The following ZNF594 variants were observed in gnomAD, a reference collection of about 807,000 sequenced individuals.
ZNF594 encodes zinc finger protein HZF18.
For missense variants in ZNF594, 1,037 were observed against 964.6 expected (o/e 1.08, Z -0.99); for synonymous variants, 336 against 309.4 (o/e 1.09, Z -0.90).
downstream of ZNF594, among the ~76,000 whole-genome samples, chr17:5,178,623 CACTA>C (rs1437253618): frequency 1.3e-5 from 2 of 152,110 alleles, no homozygotes; most frequent in Admixed American, 1.3e-4. Flanking sequence ...ATGTGGCTGA[CACTA>C]ACTACATAAG....
Position 5,180,122 on chromosome 17 carries a change from A to AT in ZNF594, c.*1710dup, listed in dbSNP as rs2074329029. On this transcript the variant is annotated 3_prime_UTR_variant, in exon 2 of 2. Coordinates refer to ENST00000575779, the MANE Select transcript of ZNF594 (RefSeq NM_032530.2). ...GTTGCCCAGGCTGGAGTGCAGTGGC[A>AT]TGATCTTGGCTCACCGCAACCTCCA... 1 of 150,316 alleles carries AT rather than the reference A, an allele frequency of 6.7e-6. No individual in the cohort carries two copies. Among genetic ancestry groups the AT allele is most frequent in the Non-Finnish European group, 1.5e-5 (1 of 67,874 alleles). The allele number at this position is 150,316 out of a possible 1,614,324, so 9.3% of individuals were successfully genotyped here.
At chr17:5,187,266 C>T (rs752399751) in intron 1 of ZNF594, among the ~76,000 whole-genome samples, 13 of 152,268 alleles carry the variant, frequency 8.5e-5, no homozygotes, top group African/African-American at 1.9e-4. Context: ...GATGCAAAAG[C>T]GGAAACCAAT....
intron 1 of ZNF594, among the ~76,000 whole-genome samples, chr17:5,186,035 A>G (rs1172734892): frequency 6.6e-6 from 1 of 152,064 alleles, no homozygotes; most frequent in African/African-American, 2.4e-5. Context: ...AGGTGGATCT[A>G]CCATTCTGGG....
rs1406183988 is a variant in ZNF594, at chr17:5,181,465, C to G, written c.*368G>C. 4 of 1,613,886 alleles carry G rather than the reference C, an allele frequency of 2.5e-6. No individual in the cohort carries two copies. The Admixed American group carries it at 6.7e-5, about 27-fold the overall frequency. ...TCCTCATCCTTGCTGAAGGTTTTCT[C>G]ACGTTCTTCAAGTTTCTCTCCAGCA... On this transcript the variant is annotated 3_prime_UTR_variant, in exon 2 of 2. Transcript: ENST00000575779.
chr17:5,183,761 GATTA>G lies in ZNF594; in HGVS notation c.492_495del (p.Asn165LysfsTer34). 1 of 1,613,120 alleles carries G rather than the reference GATTA, an allele frequency of 6.2e-7. No individual in the cohort carries two copies. The highest frequency in any genetic ancestry group is 1.3e-5 in the African/African-American group (1 of 74,998). On this transcript the variant is annotated frameshift_variant, in exon 2 of 2. Transcript: ENST00000575779. LOFTEE classifies it low-confidence loss of function (END_TRUNC). The stretch of plus-strand genomic sequence containing the variant: ...TGATGTATAATAAGATTTGAACTTT[GATTA>G]GAGTCTTTCCCACATTCATTACACA...
At chr17:5,184,695 A>G (rs986664996) in intron 1 of ZNF594, among the ~76,000 whole-genome samples, 3 of 152,234 alleles carry the variant, frequency 2.0e-5, no homozygotes, top group Non-Finnish European at 2.9e-5. Flanking sequence ...TAGCAGCCAC[A>G]TAAGTAAATA....
At position 5,183,254 on chromosome 17, in the gene ZNF594, G is replaced by A. The variant is rs201111582; in HGVS notation, c.1003C>T (p.Arg335Cys). The change falls in exon 2 of 2, where the codon CGC (arginine) becomes TGC (cysteine). Residue 335 changes from arginine (R) to cysteine (C), a missense_variant. Arg to Cys is a radical substitution (Grantham distance 180). Transcript: ENST00000575779. ...CHRCGKTFSG[R>C]TAFLKHQRLH... ...CTCTGATGTTTAAGAAAAGCTGTGC[G>A]CCCACTGAAGGTCTTCCCACATCTG... 5.5e-5 allele frequency: 89 copies of A among 1,613,886 alleles called. No homozygotes were observed. The highest frequency in any genetic ancestry group is 5.2e-4 in the South Asian group (47 of 91,068).
At position 5,183,254 on chromosome 17, in the gene ZNF594, G is replaced by T. The variant is rs201111582; in HGVS notation, c.1003C>A (p.Arg335Ser). ...CHRCGKTFSGRTAFLKHQRLH... is the reference protein window; with the variant it reads ...CHRCGKTFSGSTAFLKHQRLH... ...CTCTGATGTTTAAGAAAAGCTGTGC[G>T]CCCACTGAAGGTCTTCCCACATCTG... is the stretch of plus-strand genomic sequence containing the variant. The change falls in exon 2 of 2, where the codon CGC becomes AGC. Residue 335 changes from arginine (R) to serine (S), a missense_variant. Coordinates refer to ENST00000575779, the MANE Select transcript of ZNF594 (RefSeq NM_032530.2). 1 of 1,614,006 alleles carries T rather than the reference G, an allele frequency of 6.2e-7. No homozygotes were observed.
At chr17:5,185,179 C>T (rs2074378127) in intron 1 of ZNF594, among the ~76,000 whole-genome samples, 2 of 152,132 alleles carry the variant, frequency 1.3e-5, no homozygotes, top group African/African-American at 2.4e-5. Context: ...TGGATTAGTC[C>T]GTTTTCATGC....
At chr17:5,187,925 G>A (rs1448184081) in intron 1 of ZNF594, among the ~76,000 whole-genome samples, 2 of 122,026 alleles carry the variant, frequency 1.6e-5, no homozygotes, top group Non-Finnish European at 3.3e-5. Context: ...GTCTCACCAT[G>A]TTGCCCAGGC....
At position 5,181,451 on chromosome 17, in the gene ZNF594, G is replaced by A. The variant is rs776943484; in HGVS notation, c.*382C>T. The A allele has an allele frequency of 9.3e-6, 15 of 1,613,682 alleles. No individual in the cohort carries two copies. The East Asian group carries it at 3.1e-4, about 34-fold the overall frequency. Reference sequence around the variant, plus strand: ...GCTCTCCCCTAAGCTCCTCATCCTTGCTGAAGGTTTTCTCACGTTCTTCAA... The same window carrying A: ...GCTCTCCCCTAAGCTCCTCATCCTTACTGAAGGTTTTCTCACGTTCTTCAA... On this transcript the variant is annotated 3_prime_UTR_variant, in exon 2 of 2. Transcript: ENST00000575779.
chr17:5,177,144 C>T (rs1448768606), downstream of ZNF594, among the ~76,000 whole-genome samples: 4 of 151,074 alleles, frequency 2.6e-5, no homozygotes, highest in South Asian at 2.1e-4. Flanking sequence ...TGCAGTGAGC[C>T]GAGATCGCAC....
At position 5,182,663 on chromosome 17, in the gene ZNF594, G is replaced by A. The variant is rs1230598439; in HGVS notation, c.1594C>T (p.Leu532Phe). 6.2e-7 allele frequency: 1 copy of A among 1,613,656 alleles called. No homozygotes were observed. The highest frequency in any genetic ancestry group is 1.3e-5 in the African/African-American group (1 of 74,770). ...CCAGTATGCAGGCTCTGATGTTTGA[G>A]GAAAGCTGTGCGCCAAATGAAGAGC... The part of the protein sequence containing the change: ...GKLFIWRTAF[L>F]KHQSLHTGEK... Residue 532 changes from leucine to phenylalanine, a missense_variant, in exon 2 of 2, where the codon CTC becomes TTC. Transcript: ENST00000575779.
In ZNF594 at chr17:5,180,970, T is replaced by C. The variant is rs1234916185; in HGVS notation, c.*863A>G. On this transcript the variant is annotated 3_prime_UTR_variant, in exon 2 of 2. Coordinates refer to ENST00000575779, the MANE Select transcript of ZNF594 (RefSeq NM_032530.2). ...AGAATAGGTCCTGTTTGTAGACTCT[T>C]ACAGTCTTCAAATTCCTTTCCAATG... The C allele has an allele frequency of 2.8e-6, 2 of 710,220 alleles. No individual in the cohort carries two copies. Among genetic ancestry groups the C allele is most frequent in the Non-Finnish European group, 5.1e-6 (2 of 393,476 alleles). The allele number at this position is 710,220 out of a possible 1,614,324, so 44.0% of individuals were successfully genotyped here.
At chr17:5,190,207 A>G (rs2074412509) in intron 1 of ZNF594, among the ~76,000 whole-genome samples, 1 of 152,158 alleles carries the variant, frequency 6.6e-6, no homozygotes, top group Non-Finnish European at 1.5e-5. Flanking sequence ...TGTGTCTACT[A>G]AAAATACAAA....
intron 1 of ZNF594, among the ~76,000 whole-genome samples, chr17:5,187,656 G>C (rs1160541326): frequency 6.6e-6 from 1 of 152,154 alleles, no homozygotes; most frequent in African/African-American, 2.4e-5. Context: ...AATCACTGGA[G>C]CTCTCAGTGC....
At position 5,182,346 on chromosome 17, in the gene ZNF594, T is replaced by G; in HGVS notation, c.1911A>C (p.Ser637=). 6.2e-7 allele frequency: 1 copy of G among 1,613,640 alleles called. No individual in the cohort carries two copies. Among genetic ancestry groups the G allele is most frequent in the South Asian group, 1.1e-5 (1 of 91,078 alleles). The change falls in exon 2 of 2, where the codon TCA becomes TCC. Residue 637 remains serine, a synonymous_variant. Transcript: ENST00000575779. Reference sequence around the variant, plus strand: ...GAATACGATGGTGTTTAATAAGATCTGAGCTACCCCTAAAAGATTTCCCAC... The same window carrying G: ...GAATACGATGGTGTTTAATAAGATCGGAGCTACCCCTAAAAGATTTCCCAC... ...NKCGKSFRGS[S]DLIKHHRIHT...
At chr17:5,184,432 A>G in intron 1 of ZNF594, 156 bp from the exon 2 acceptor site, 1 of 755,768 alleles carries the variant, frequency 1.3e-6, no homozygotes, top group Non-Finnish European at 2.1e-6. Context: ...TGGCTAACAC[A>G]GGAACCTGTG....
chr17:5,179,172 C>T (rs938624409), downstream of ZNF594, among the ~76,000 whole-genome samples: 1 of 149,812 alleles, frequency 6.7e-6, no homozygotes, highest in Non-Finnish European at 1.5e-5. Context: ...AGCAGCCTGG[C>T]GCTCCTGGCC....
Sources: allele counts gnomAD v4.1 joint callset (sites outside exome capture counted in the v4.1 genomes callset), GRCh38; gene constraint gnomAD v4.1.1; transcripts MANE v1.5; gene names NCBI Gene and HGNC (gene_info 2026-07-23, HGNC 2026-07-21).